NUP107: variants seen among roughly 807,000 people sequenced by gnomAD.
NUP107 encodes the protein nucleoporin 107, also known as nuclear pore complex protein Nup107.
In NUP107, 101 loss-of-function variants were observed where a neutral mutation model predicts 141.0. The ratio of observed to expected loss-of-function variants is 0.72; its 90% CI spans 0.61 to 0.84. NUP107 has a LOEUF of 0.84. Ranked by LOEUF, NUP107 falls within the 40% of genes least tolerant of loss-of-function variation. The pLI, the probability that NUP107 is intolerant of heterozygous loss-of-function variation, is 0.00. For missense variants in NUP107, 941 were observed against 1,102.7 expected (o/e 0.85, Z 2.08); for synonymous variants, 319 against 363.9 (o/e 0.88, Z 1.41).
intron 14 of NUP107, 143 bp from the exon 15 acceptor site, chr12:68,720,975 C>T: frequency 2.1e-6 from 1 of 482,224 alleles, no homozygotes; most frequent in Non-Finnish European, 3.7e-6. Context: ...TGTTATTACC[C>T]CACTAGATCT....
chr12:68,696,761 C>T, intron 5 of NUP107, 58 bp from the exon 6 acceptor site: 1 of 890,126 alleles, frequency 1.1e-6, no homozygotes. Flanking sequence ...ACGGAATTAC[C>T]TAGAAGTACG....
intron 26 of NUP107, among the ~76,000 whole-genome samples, chr12:68,739,107 T>A (rs1878208880): frequency 6.6e-6 from 1 of 152,172 alleles, no homozygotes; most frequent in African/African-American, 2.4e-5. Flanking sequence ...GACTTTGTAC[T>A]TCTTTCAGCA....
chr12:68,734,686 G>GT, intron 24 of NUP107, 22 bp from the exon 25 acceptor site: 2 of 1,487,770 alleles, frequency 1.3e-6, no homozygotes, highest in Non-Finnish European at 1.8e-6. Flanking sequence ...TTATATTTTG[G>GT]TTTTTTTATT....
At chr12:68,740,334 T>C (rs988475948) in intron 26 of NUP107, 3 of 152,216 alleles carry the variant, frequency 2.0e-5, no homozygotes, top group African/African-American at 7.2e-5. Context: ...CCTTGAAGCA[T>C]TTTAAATCCA....
chr12:68,687,196 T>C, intron 1 of NUP107, 123 bp downstream of exon 1: 1 of 1,351,222 alleles, frequency 7.4e-7, no homozygotes. Flanking sequence ...CCCCTAAGGC[T>C]CCTTCCCCAT....
rs865804713 is a variant in NUP107, at chr12:68,712,201, G to A, written c.891-1529G>A. 7.2e-5 allele frequency among the ~76,000 whole-genome samples: 11 copies of A among 152,044 alleles called. No individual in the cohort carries two copies. In the South Asian group the frequency reaches 1.5e-3, roughly 20 times the overall value. On this transcript the variant is annotated intron_variant, in intron 10 of 27. Transcript: ENST00000229179. ...AAAGATTTTTAAAAGGTCAGATTGC[G>A]GGCAGGTACAGTGGCTCACACCTGT...
At chr12:68,696,506 A>T (rs776341770) in intron 5 of NUP107, among the ~76,000 whole-genome samples, 3 of 152,102 alleles carry the variant, frequency 2.0e-5, no homozygotes, top group African/African-American at 4.8e-5. Flanking sequence ...TGAGGTCAGG[A>T]GTTTGAGACC....
At chr12:68,726,425 A>G (rs1455891661) in intron 18 of NUP107, 74 bp from the exon 19 acceptor site, 3 of 939,232 alleles carry the variant, frequency 3.2e-6, no homozygotes, top group Admixed American at 1.8e-5. Context: ...AGTGAAATAA[A>G]TGTTCTTGGT....
chr12:68,715,381 C>T (rs1220660979), intron 11 of NUP107, among the ~76,000 whole-genome samples: 1 of 152,128 alleles, frequency 6.6e-6, no homozygotes, highest in Non-Finnish European at 1.5e-5. Context: ...ATAATCCCAG[C>T]TGCTCGGGAG....
At chr12:68,705,798 C>G (rs1876550286) in intron 8 of NUP107, 1 of 760,274 alleles carries the variant, frequency 1.3e-6, no homozygotes, top group Admixed American at 1.7e-5. Flanking sequence ...GAGACTTTGG[C>G]AGGGCCAGTG....
At chr12:68,687,186 C>A in intron 1 of NUP107, 113 bp downstream of exon 1, 1 of 1,429,832 alleles carries the variant, frequency 7.0e-7, no homozygotes, top group South Asian at 1.2e-5. Context: ...CCGGGTGCTT[C>A]CCCTAAGGCT....
intron 4 of NUP107, 46 bp from the exon 5 acceptor site, chr12:68,691,921 TA>T: frequency 6.7e-7 from 1 of 1,489,596 alleles, no homozygotes; most frequent in Non-Finnish European, 9.0e-7. Flanking sequence ...TCAGTGACAA[TA>T]ACTCCATCAC....
At chr12:68,700,432 TGGGTA>T (rs1032685466) in intron 6 of NUP107, among the ~76,000 whole-genome samples, 1 of 152,212 alleles carries the variant, frequency 6.6e-6, no homozygotes, top group Admixed American at 6.5e-5. Context: ...ACTTATCCTC[TGGGTA>T]GATATACAGG....
At chr12:68,690,770 A>G in intron 4 of NUP107, 24 bp downstream of exon 4, 1 of 1,612,806 alleles carries the variant, frequency 6.2e-7, no homozygotes, top group South Asian at 1.1e-5. Flanking sequence ...TAGGGCTAAG[A>G]ACTCCTTTTG....
At chr12:68,730,213 C>CATTTTT (rs1877758580) in intron 20 of NUP107, among the ~76,000 whole-genome samples, 1 of 61,316 alleles carries the variant, frequency 1.6e-5, no homozygotes, top group Non-Finnish European at 4.1e-5. Context: ...GGTGATACTA[C>CATTTTT]CTTTTTTTTT....
intron 1 of NUP107, chr12:68,687,381 G>A: frequency 9.5e-7 from 1 of 1,048,144 alleles, no homozygotes; most frequent in Non-Finnish European, 1.2e-6. Flanking sequence ...CGTTCGAAAT[G>A]CTAAGTGACC....
chr12:68,694,571 C>T (rs1478517137), intron 5 of NUP107, among the ~76,000 whole-genome samples: 3 of 152,000 alleles, frequency 2.0e-5, no homozygotes, highest in East Asian at 3.9e-4. Context: ...AACTCAACAA[C>T]AAAAAAACAA....
chr12:68,708,014 C>T (rs1414737683), intron 8 of NUP107, among the ~76,000 whole-genome samples: 1 of 151,950 alleles, frequency 6.6e-6, no homozygotes, highest in Non-Finnish European at 1.5e-5. Flanking sequence ...TCACTTGAGC[C>T]CAGGAGGCAG....
At chr12:68,741,110 C>T (rs7301067) in intron 26 of NUP107, among the ~76,000 whole-genome samples, 77,978 of 151,666 alleles carry the variant, frequency 0.51, 20,393 homozygotes, top group South Asian at 0.76. Flanking sequence ...TGGTTACTTT[C>T]TAATTATTTT....
Sources: gnomAD v4.1 joint callset for allele counts (sites outside exome capture counted in the v4.1 genomes callset) on GRCh38, gnomAD v4.1.1 for gene constraint, MANE v1.5 for transcripts, NCBI Gene and HGNC (gene_info 2026-07-23, HGNC 2026-07-21) for gene names.